Variants in BACH2 observed in about 807,000 individuals in gnomAD.
BACH2 encodes the protein BACH transcriptional regulator 2.
BACH2 carries 5 observed loss-of-function variants against 61.8 expected under a neutral mutation model. The observed-to-expected ratio is 0.08, with a 90% CI of 0.04 to 0.17. The LOEUF is 0.17. Ranked by LOEUF, BACH2 falls within the 10% of genes least tolerant of loss-of-function variation. The probability of loss-of-function intolerance (pLI) is 1.00; values close to 1 mark genes in which losing one functional copy is unlikely to be tolerated. For synonymous variants in BACH2, 446 were observed against 440.1 expected (o/e 1.01, Z -0.17); for missense variants, 824 against 1,091.1 (o/e 0.76, Z 3.45).
chr6:90,228,972 C>T (rs888284170), intron 3 of BACH2, among the ~76,000 whole-genome samples: 12 of 152,290 alleles, frequency 7.9e-5, no homozygotes, highest in Middle Eastern at 3.4e-3. Flanking sequence ...TTAATCCTGC[C>T]AGCTGAAACG....
intron 5 of BACH2, among the ~76,000 whole-genome samples, chr6:90,057,189 T>G (rs146546268): frequency 0.017 from 2,519 of 151,854 alleles, 88 homozygotes; most frequent in African/African-American, 0.058. Flanking sequence ...CAGGAGCTGG[T>G]TTTTTGAAAA....
At chr6:90,156,183 C>T (rs890822988) in intron 4 of BACH2, among the ~76,000 whole-genome samples, 5 of 151,956 alleles carry the variant, frequency 3.3e-5, no homozygotes, top group Non-Finnish European at 7.4e-5. Context: ...AGGTAGGTAT[C>T]GAGTGGTGTA....
At chr6:90,271,366 TAAA>T (rs3073450) in intron 2 of BACH2, among the ~76,000 whole-genome samples, 82 of 103,870 alleles carry the variant, frequency 7.9e-4, no homozygotes, top group Middle Eastern at 4.8e-3. Flanking sequence ...CAACCCCATT[TAAA>T]AAAAAAAAAA....
intron 3 of BACH2, among the ~76,000 whole-genome samples, chr6:90,209,098 A>T (rs1427177961): frequency 6.6e-6 from 1 of 152,066 alleles, no homozygotes; most frequent in African/African-American, 2.4e-5. Context: ...GAAATACCTT[A>T]CGTAAATGAT....
intron 1 of BACH2, among the ~76,000 whole-genome samples, chr6:90,276,746 C>CA (rs1771706533): frequency 6.6e-6 from 1 of 152,104 alleles, no homozygotes; most frequent in Non-Finnish European, 1.5e-5. Flanking sequence ...ATACACTCCC[C>CA]AGTTATTCAT....
At chr6:90,296,021 A>T (rs1772358438) in intron 1 of BACH2, among the ~76,000 whole-genome samples, 1 of 152,124 alleles carries the variant, frequency 6.6e-6, no homozygotes, top group African/African-American at 2.4e-5. Context: ...TGGAGCTGGG[A>T]TCGCAGGCTG....
chr6:90,018,153 C>G (rs777402990), intron 5 of BACH2, among the ~76,000 whole-genome samples: 4 of 152,120 alleles, frequency 2.6e-5, no homozygotes, highest in Non-Finnish European at 5.9e-5. Flanking sequence ...CTCTGAGTTC[C>G]CTTTGTTTTG....
chr6:90,287,585 T>G (rs1772059153), intron 1 of BACH2, among the ~76,000 whole-genome samples: 1 of 152,164 alleles, frequency 6.6e-6, no homozygotes, highest in Non-Finnish European at 1.5e-5. Context: ...CACTGACAAA[T>G]GTATTATTAA....
At chr6:90,200,483 C>T (rs998279545) in intron 4 of BACH2, among the ~76,000 whole-genome samples, 1 of 152,078 alleles carries the variant, frequency 6.6e-6, no homozygotes, top group African/African-American at 2.4e-5. Flanking sequence ...AATGATCCTT[C>T]CTGGTAATAT....
At chr6:90,286,782 A>T (rs1453679257) in intron 1 of BACH2, among the ~76,000 whole-genome samples, 1 of 152,198 alleles carries the variant, frequency 6.6e-6, no homozygotes, top group Non-Finnish European at 1.5e-5. Flanking sequence ...TTAGAAAAAA[A>T]ATCTTTATAC....
chr6:90,050,769 C>T lies in BACH2; in HGVS notation c.-13+38192G>A, dbSNP rs1027430804. Among the ~76,000 whole-genome samples, 24 of 139,646 alleles carry T rather than the reference C, an allele frequency of 1.7e-4. 1 individual carries two copies. Among genetic ancestry groups the T allele is most frequent in the African/African-American group, 4.8e-4 (19 of 39,272 alleles). 91.6% of individuals were successfully genotyped at this position (139,646 alleles called of 152,430 possible). A position where few individuals can be genotyped will look rare whatever the true frequency, so the allele number is the denominator to read the frequency against. On this transcript the variant is annotated intron_variant, in intron 5 of 8. Coordinates refer to ENST00000257749, the MANE Select transcript of BACH2 (RefSeq NM_021813.4). ...ATAAACGAAAGCTCTTTGGGGTTCTCGGTAATTTTTTTTTTTTTGAGATGG... is the reference window on the plus strand; with the variant it reads ...ATAAACGAAAGCTCTTTGGGGTTCTTGGTAATTTTTTTTTTTTTGAGATGG...
chr6:90,153,468 C>A (rs1784895512), intron 4 of BACH2, among the ~76,000 whole-genome samples: 1 of 152,116 alleles, frequency 6.6e-6, no homozygotes, highest in East Asian at 1.9e-4. Flanking sequence ...AATTTCAAGT[C>A]ATTTCAATAC....
At chr6:90,276,742 T>A (rs370238178) in intron 1 of BACH2, among the ~76,000 whole-genome samples, 1 of 152,118 alleles carries the variant, frequency 6.6e-6, no homozygotes, top group Non-Finnish European at 1.5e-5. Flanking sequence ...GTAAATACAC[T>A]CCCCAGTTAT....
chr6:90,018,660 G>A (rs1778200157), intron 5 of BACH2, among the ~76,000 whole-genome samples: 1 of 152,150 alleles, frequency 6.6e-6, no homozygotes, highest in South Asian at 2.1e-4. Context: ...AAACCACATA[G>A]TATAAACTTT....
At chr6:90,092,280 T>TAAAAAAAAAAAAAAAAAAA (rs200675044) in intron 4 of BACH2, among the ~76,000 whole-genome samples, 22 of 77,042 alleles carry the variant, frequency 2.9e-4, no homozygotes, top group African/African-American at 1.4e-3. Flanking sequence ...ACTGTCAAAG[T>TAAAAAAAAAAAAAAAAAAA]AAAAAAAAAA....
chr6:90,170,237 A>C (rs1341813267), intron 4 of BACH2, among the ~76,000 whole-genome samples: 2 of 152,216 alleles, frequency 1.3e-5, no homozygotes, highest in Non-Finnish European at 2.9e-5. Context: ...TTAAAAAATA[A>C]ATAATATTGC....
At chr6:90,025,613 T>C (rs1374307015) in intron 5 of BACH2, among the ~76,000 whole-genome samples, 2 of 152,158 alleles carry the variant, frequency 1.3e-5, no homozygotes, top group Non-Finnish European at 2.9e-5. Flanking sequence ...CCTCCCCTTG[T>C]AGCCAGAGAA....
intron 3 of BACH2, among the ~76,000 whole-genome samples, chr6:90,209,857 G>A (rs1769282780): frequency 6.6e-6 from 1 of 152,144 alleles, no homozygotes; most frequent in South Asian, 2.1e-4. Context: ...GGAAACATCA[G>A]ACACACAGAA....
chr6:90,147,609 G>T (rs1415425605), intron 4 of BACH2, among the ~76,000 whole-genome samples: 1 of 152,050 alleles, frequency 6.6e-6, no homozygotes, highest in East Asian at 1.9e-4. Flanking sequence ...TAAAAATTAG[G>T]AAATGTGCTA....
Sources: gnomAD v4.1 joint callset for allele counts (sites outside exome capture counted in the v4.1 genomes callset) on GRCh38, gnomAD v4.1.1 for gene constraint, MANE v1.5 for transcripts, NCBI Gene and HGNC (gene_info 2026-07-23, HGNC 2026-07-21) for gene names.